NALF1: variants seen among roughly 807,000 people sequenced by gnomAD.
NALF1 encodes NALCN channel auxiliary factor 1.
In NALF1, 3 loss-of-function variants were observed where a neutral mutation model predicts 48.4. That is an observed-to-expected ratio of 0.06 (90% CI 0.03 to 0.16). The LOEUF is 0.16. NALF1 is among the 10% of genes least tolerant of loss of function. The probability of loss-of-function intolerance (pLI) is 1.00; values close to 1 mark genes in which losing one functional copy is unlikely to be tolerated. For missense variants in NALF1, 526 were observed against 571.5 expected (o/e 0.92, Z 0.81); for synonymous variants, 262 against 245.7 (o/e 1.07, Z -0.62).
intron 1 of NALF1, among the ~76,000 whole-genome samples, chr13:107,466,901 T>A (rs74114556): frequency 6.6e-6 from 1 of 152,174 alleles, no homozygotes; most frequent in African/African-American, 2.4e-5. Context: ...GTGTGGTCAA[T>A]GTGCAACCAG....
rs954596551 is a variant in NALF1 at position 107,399,176 on chromosome 13, C to G, written c.916-188421G>C. Among the ~76,000 whole-genome samples the G allele has an allele frequency of 3.9e-5, 6 of 152,224 alleles. No individual in the cohort carries two copies. In the East Asian group the frequency reaches 1.2e-3, roughly 29 times the overall value. ...GCATAAAAATTTCAGAGACCACTCT[C>G]TCACCTTTTGGTCACTGGGAAACAA... On this transcript the variant is annotated intron_variant, in intron 1 of 2. Coordinates refer to ENST00000375915, the MANE Select transcript of NALF1 (RefSeq NM_001080396.3).
intron 1 of NALF1, among the ~76,000 whole-genome samples, chr13:107,479,856 A>C (rs1450342536): frequency 6.6e-6 from 1 of 152,152 alleles, no homozygotes. Flanking sequence ...ACTCCAGAGG[A>C]AATTAATATA....
chr13:107,327,757 G>C (rs1882391331), intron 1 of NALF1, among the ~76,000 whole-genome samples: 1 of 152,046 alleles, frequency 6.6e-6, no homozygotes, highest in South Asian at 2.1e-4. Flanking sequence ...TTGCTCTTCT[G>C]TACTTGCTAA....
chr13:107,772,782 G>T (rs1175733139), intron 1 of NALF1, among the ~76,000 whole-genome samples: 1 of 152,090 alleles, frequency 6.6e-6, no homozygotes, highest in Non-Finnish European at 1.5e-5. Context: ...AGAAGCTTAG[G>T]TTCCTATGTG....
chr13:107,743,045 A>G (rs1459115593), intron 1 of NALF1, among the ~76,000 whole-genome samples: 2 of 152,184 alleles, frequency 1.3e-5, no homozygotes, highest in South Asian at 2.1e-4. Context: ...GGACATGCTC[A>G]GTCTGTGCTG....
intron 1 of NALF1, among the ~76,000 whole-genome samples, chr13:107,332,687 T>C (rs1239215051): frequency 2.6e-5 from 4 of 152,254 alleles, no homozygotes; most frequent in African/African-American, 9.6e-5. Context: ...GCTGCCTCTT[T>C]CTTATGGTAG....
At chr13:107,547,315 ATT>A (rs1877161476) in intron 1 of NALF1, among the ~76,000 whole-genome samples, 1 of 152,180 alleles carries the variant, frequency 6.6e-6, no homozygotes, top group Non-Finnish European at 1.5e-5. Flanking sequence ...GAAAAATTGA[ATT>A]TTGTTATAAA....
At chr13:107,436,764 A>C (rs1392012594) in intron 1 of NALF1, among the ~76,000 whole-genome samples, 1 of 152,184 alleles carries the variant, frequency 6.6e-6, no homozygotes, top group Non-Finnish European at 1.5e-5. Flanking sequence ...AAAAGCATAA[A>C]GTTTAGAAAG....
intron 1 of NALF1, among the ~76,000 whole-genome samples, chr13:107,311,669 C>T (rs1013183648): frequency 3.3e-5 from 5 of 151,788 alleles, no homozygotes; most frequent in East Asian, 1.9e-4. Context: ...GCAACCTACT[C>T]ATCTGACAAA....
chr13:107,460,921 T>G (rs1265244872), intron 1 of NALF1, among the ~76,000 whole-genome samples: 2 of 152,194 alleles, frequency 1.3e-5, no homozygotes, highest in East Asian at 3.9e-4. Context: ...GACATTAAGA[T>G]TGTCTTTAAC....
At chr13:107,458,522 G>A (rs1028315803) in intron 1 of NALF1, among the ~76,000 whole-genome samples, 7 of 152,172 alleles carry the variant, frequency 4.6e-5, no homozygotes, top group African/African-American at 7.2e-5. Context: ...GGAAGTGCAC[G>A]CCTGGGCAAA....
chr13:107,735,263 A>G (rs1241267542), intron 1 of NALF1, among the ~76,000 whole-genome samples: 1 of 152,236 alleles, frequency 6.6e-6, no homozygotes, highest in African/African-American at 2.4e-5. Flanking sequence ...AAACCTGGGT[A>G]GTAAAGGCAT....
In NALF1 at chr13:107,665,606, T is replaced by C. The variant is rs186636624; in HGVS notation, c.915+200076A>G. On this transcript the variant is annotated intron_variant, in intron 1 of 2. Transcript: ENST00000375915. ...GCTCTCAATTCTGAGTAAACTATAA[T>C]TGGATGCTTTACTATGAAATATGTT... Among the ~76,000 whole-genome samples the C allele has an allele frequency of 3.0e-4, 45 of 152,252 alleles. No individual in the cohort carries two copies. In the East Asian group the frequency reaches 8.3e-3, roughly 28 times the overall value.
At chr13:107,487,823 C>A (rs1477504776) in intron 1 of NALF1, among the ~76,000 whole-genome samples, 1 of 151,596 alleles carries the variant, frequency 6.6e-6, no homozygotes, top group Admixed American at 6.6e-5. Flanking sequence ...TCCCTTTTTT[C>A]CCATTTTTTG....
At chr13:107,742,118 C>G (rs1876655891) in intron 1 of NALF1, among the ~76,000 whole-genome samples, 2 of 152,202 alleles carry the variant, frequency 1.3e-5, no homozygotes, top group South Asian at 4.1e-4. Flanking sequence ...AGTCTCCCCT[C>G]ATTCAGCGGG....
At chr13:107,666,449 G>C (rs927672547) in intron 1 of NALF1, among the ~76,000 whole-genome samples, 1 of 152,066 alleles carries the variant, frequency 6.6e-6, no homozygotes, top group African/African-American at 2.4e-5. Context: ...TATTACACTT[G>C]TTTAACATTT....
chr13:107,805,692 G>A (rs1463223286), intron 1 of NALF1, among the ~76,000 whole-genome samples: 1 of 151,998 alleles, frequency 6.6e-6, no homozygotes, highest in East Asian at 1.9e-4. Flanking sequence ...TCCTATGTGC[G>A]GTTACCTTCA....
intron 1 of NALF1, among the ~76,000 whole-genome samples, chr13:107,325,856 A>T (rs1418818603): frequency 7.0e-5 from 3 of 42,622 alleles, no homozygotes; most frequent in Admixed American, 3.2e-4. Flanking sequence ...ACACACACAC[A>T]TATATATATA....
At chr13:107,251,004 G>A (rs1880689450) in intron 1 of NALF1, among the ~76,000 whole-genome samples, 1 of 152,042 alleles carries the variant, frequency 6.6e-6, no homozygotes, top group Admixed American at 6.5e-5. Flanking sequence ...GCAGAACCGT[G>A]AGCCAACTAA....
Sources: allele counts gnomAD v4.1 joint callset (sites outside exome capture counted in the v4.1 genomes callset), GRCh38; gene constraint gnomAD v4.1.1; transcripts MANE v1.5; gene names NCBI Gene and HGNC (gene_info 2026-07-23, HGNC 2026-07-21).